The following KANK1 variants were observed in gnomAD, a reference collection of about 807,000 sequenced individuals.
The protein encoded by KANK1 is KN motif and ankyrin repeat domains 1, also known as KN motif and ankyrin repeat domain-containing protein 1.
A neutral mutation model predicts 106.2 loss-of-function variants in KANK1; 109 were observed. That is an observed-to-expected ratio of 1.03 (90% CI 0.88 to 1.20). The LOEUF (loss-of-function observed/expected upper bound fraction) is 1.20, where lower values mean the gene tolerates loss of function less well. KANK1 is among the 50% of genes most tolerant of loss of function. The pLI is 0.00. For missense variants in KANK1, 2,399 were observed against 1,710.7 expected, an observed-to-expected ratio of 1.40 and a Z score of -7.10; for synonymous variants, 873 against 652.2, an observed-to-expected ratio of 1.34 and a Z score of -5.16.
At chr9:699,216 A>G (rs1385936686) in intron 2 of KANK1, among the ~76,000 whole-genome samples, 1 of 152,132 alleles carries the variant, frequency 6.6e-6, no homozygotes, top group African/African-American at 2.4e-5. Flanking sequence ...TGCTTTCACA[A>G]CACTTAATAC....
chr9:650,176 C>A (rs1840569293), intron 1 of KANK1, among the ~76,000 whole-genome samples: 1 of 152,140 alleles, frequency 6.6e-6, no homozygotes, highest in African/African-American at 2.4e-5. Flanking sequence ...AAATTCATTG[C>A]AAATTATGCT....
rs1009443466 is a variant in KANK1 at position 604,327 on chromosome 9, C to A, written c.-83-72563C>A. Among the ~76,000 whole-genome samples, 5 of 151,618 alleles carry A rather than the reference C, an allele frequency of 3.3e-5. 1 individual carries two copies. Among genetic ancestry groups the A allele is most frequent in the African/African-American group, 4.9e-5 (2 of 41,060 alleles). On this transcript the variant is annotated intron_variant, in intron 1 of 11. Transcript: ENST00000382297. Reference sequence around the variant, plus strand: ...CCAAATCTCATCTCAAATTGTAATCCCCACGTGTTGAGGGAGGGACCTGAT... The same window carrying A: ...CCAAATCTCATCTCAAATTGTAATCACCACGTGTTGAGGGAGGGACCTGAT...
intron 1 of KANK1, among the ~76,000 whole-genome samples, chr9:637,674 G>A (rs983605304): frequency 2.6e-5 from 4 of 152,066 alleles, no homozygotes; most frequent in African/African-American, 9.7e-5. Flanking sequence ...AGGAACGAGT[G>A]TATATTTTTT....
chr9:514,702 A>T (rs1318944307), intron 1 of KANK1, among the ~76,000 whole-genome samples: 2 of 151,724 alleles, frequency 1.3e-5, no homozygotes, highest in Non-Finnish European at 2.9e-5. Flanking sequence ...TTGTCCATGA[A>T]CGTTAGGTTT....
chr9:569,910 C>G (rs881988), intron 1 of KANK1, among the ~76,000 whole-genome samples: 40,633 of 151,832 alleles, frequency 0.27, 5,782 homozygotes, highest in East Asian at 0.56. Flanking sequence ...CAACCTTCAT[C>G]AGATTCCGTA....
intron 1 of KANK1, among the ~76,000 whole-genome samples, chr9:596,567 T>C (rs943750596): frequency 6.6e-6 from 1 of 151,752 alleles, no homozygotes; most frequent in Non-Finnish European, 1.5e-5. Flanking sequence ...CAATAGCTCT[T>C]AGAGTGTTTC....
intron 4 of KANK1, 73 bp from the exon 5 acceptor site, chr9:731,085 C>A: frequency 1.3e-6 from 1 of 750,090 alleles, no homozygotes; most frequent in Non-Finnish European, 2.2e-6. Flanking sequence ...GAGAAAAGAA[C>A]TGTACAGGAA....
intron 1 of KANK1, among the ~76,000 whole-genome samples, chr9:631,620 C>G (rs1263975715): frequency 6.6e-6 from 1 of 152,218 alleles, no homozygotes; most frequent in Non-Finnish European, 1.5e-5. Flanking sequence ...TGAAAACTAA[C>G]CCAATATGGT....
rs181560078 is a variant in KANK1 at position 734,615 on chromosome 9, A to G, written c.3246-133A>G. 6,616 of 590,918 alleles carry G rather than the reference A, an allele frequency of 0.011. 52 individuals carry two copies. Among genetic ancestry groups the G allele is most frequent in the Non-Finnish European group, 0.015 (5,007 of 326,036 alleles). The allele number at this position is 590,918 out of a possible 1,614,324, so 36.6% of individuals were successfully genotyped here. On this transcript the variant is annotated intron_variant, in intron 6 of 11. Coordinates refer to ENST00000382297, the MANE Select transcript of KANK1 (RefSeq NM_015158.5). ...CAGGAGGCGGAGGTTGCAGTGAGCC[A>G]AGATCATGCCACTGCACTCCAGCCT...
At chr9:644,525 T>C (rs947340691) in intron 1 of KANK1, among the ~76,000 whole-genome samples, 2 of 150,850 alleles carry the variant, frequency 1.3e-5, no homozygotes, top group African/African-American at 5.0e-5. Flanking sequence ...AGGCACGTTT[T>C]ACGTGGCCAG....
chr9:592,602 C>T (rs962048137), intron 1 of KANK1, among the ~76,000 whole-genome samples: 2 of 151,920 alleles, frequency 1.3e-5, no homozygotes, highest in South Asian at 4.1e-4. Context: ...ATCAATATTA[C>T]ATCTCTAACC....
chr9:531,902 C>T (rs1158030122), intron 1 of KANK1, among the ~76,000 whole-genome samples: 1 of 152,040 alleles, frequency 6.6e-6, no homozygotes, highest in Non-Finnish European at 1.5e-5. Context: ...ATTGTGATAC[C>T]AAGAGAGAAG....
rs144276763 is a variant in KANK1, at chr9:656,961, T to A, written c.-83-19929T>A. Among the ~76,000 whole-genome samples the A allele has an allele frequency of 2.9e-3, 438 of 152,312 alleles. 6 individuals are homozygous for A. Among genetic ancestry groups the A allele is most frequent in the African/African-American group, 0.01 (417 of 41,552 alleles). On this transcript the variant is annotated intron_variant, in intron 1 of 11. Coordinates refer to ENST00000382297, the MANE Select transcript of KANK1 (RefSeq NM_015158.5). Reference sequence around the variant, plus strand: ...GTGTACACTTCATTATTGTTAACTGTATGCACAATGCCATGACAGATCTCT... The same window carrying A: ...GTGTACACTTCATTATTGTTAACTGAATGCACAATGCCATGACAGATCTCT...
chr9:654,479 A>G (rs533642495), intron 1 of KANK1, among the ~76,000 whole-genome samples: 2 of 152,288 alleles, frequency 1.3e-5, no homozygotes, highest in East Asian at 3.9e-4. Context: ...GGTAAGCCCC[A>G]TAGAGTGTCA....
At chr9:725,186 C>T (rs995067058) in intron 3 of KANK1, among the ~76,000 whole-genome samples, 1 of 152,152 alleles carries the variant, frequency 6.6e-6, no homozygotes, top group African/African-American at 2.4e-5. Context: ...AGTTCTCGTT[C>T]AGCTCTGTGG....
intron 1 of KANK1, among the ~76,000 whole-genome samples, chr9:535,500 A>T (rs530230389): frequency 1.3e-5 from 2 of 152,198 alleles, no homozygotes; most frequent in Non-Finnish European, 2.9e-5. Flanking sequence ...CACAGGTACT[A>T]TGATCATCTC....
chr9:590,747 G>A (rs1031764952), intron 1 of KANK1, among the ~76,000 whole-genome samples: 24 of 151,498 alleles, frequency 1.6e-4, no homozygotes, highest in Non-Finnish European at 2.8e-4. Flanking sequence ...AGTAGTCACT[G>A]CTGTGTAATT....
intron 1 of KANK1, among the ~76,000 whole-genome samples, chr9:633,322 G>A (rs980257322): frequency 6.6e-6 from 1 of 152,046 alleles, no homozygotes; most frequent in African/African-American, 2.4e-5. Flanking sequence ...GCCGGGCGTG[G>A]TGGCGGGCGC....
intron 1 of KANK1, among the ~76,000 whole-genome samples, chr9:592,169 G>C (rs896937311): frequency 2.6e-5 from 4 of 151,746 alleles, no homozygotes. Context: ...CTTCAAAAAA[G>C]GGTTTGGCTG....
Sources: gnomAD v4.1 joint callset for allele counts (sites outside exome capture counted in the v4.1 genomes callset) on GRCh38, gnomAD v4.1.1 for gene constraint, MANE v1.5 for transcripts, NCBI Gene and HGNC (gene_info 2026-07-23, HGNC 2026-07-21) for gene names.